MIER3: variants seen among roughly 807,000 people sequenced by gnomAD.
The protein encoded by MIER3 is mesoderm induction early response protein 3.
MIER3 carries 9 observed loss-of-function variants against 63.2 expected under a neutral mutation model. That is an observed-to-expected ratio of 0.14 (90% CI 0.09 to 0.25). The LOEUF is 0.25. Ranked by LOEUF, MIER3 falls within the 10% of genes least tolerant of loss-of-function variation. The probability of loss-of-function intolerance (pLI) is 1.00; values close to 1 mark genes in which losing one functional copy is unlikely to be tolerated. For synonymous variants in MIER3, 205 were observed against 224.9 expected, an observed-to-expected ratio of 0.91 and a Z score of 0.79; for missense variants, 512 against 666.2, an observed-to-expected ratio of 0.77 and a Z score of 2.55.
intron 3 of MIER3, among the ~76,000 whole-genome samples, chr5:56,942,575 C>T (rs1363519930): frequency 1.3e-5 from 2 of 152,100 alleles, no homozygotes; most frequent in African/African-American, 4.8e-5. Flanking sequence ...AAAGTTAAAG[C>T]AGTGGGTTTG....
Position 56,920,204 on chromosome 5 carries a change from T to C in MIER3, c.*2924A>G, listed in dbSNP as rs1403593624. ...AATTTTAGTATTTTTTAAACAGTAT[T>C]CTACATCCTTCAAGTAAATTCAGCA... On this transcript the variant is annotated 3_prime_UTR_variant, in exon 13 of 13. Coordinates refer to ENST00000381199, the MANE Select transcript of MIER3 (RefSeq NM_001297599.2). The C allele has an allele frequency of 2.6e-5, 4 of 152,590 alleles. No homozygotes were observed. Among genetic ancestry groups the C allele is most frequent in the Non-Finnish European group, 1.5e-5 (1 of 67,994 alleles). 9.5% of individuals were successfully genotyped at this position (152,590 alleles called of 1,614,324 possible). A position where few individuals can be genotyped will look rare whatever the true frequency, so the allele number is the denominator to read the frequency against.
intron 3 of MIER3, among the ~76,000 whole-genome samples, chr5:56,944,287 C>A (rs867554152): frequency 2.0e-5 from 3 of 151,424 alleles, no homozygotes; most frequent in South Asian, 2.1e-4. Flanking sequence ...CTGGCTAACA[C>A]GGTGAAACCC....
chr5:56,944,681 G>A (rs1348124572), intron 3 of MIER3, among the ~76,000 whole-genome samples: 2 of 152,090 alleles, frequency 1.3e-5, no homozygotes, highest in Admixed American at 1.3e-4. Flanking sequence ...CATATAATTT[G>A]TTTAAATGTC....
chr5:56,940,925 A>T, intron 3 of MIER3: 1 of 978,500 alleles, frequency 1.0e-6, no homozygotes, highest in Non-Finnish European at 1.2e-6. Context: ...TTTGCCAAGC[A>T]CCTGTCAGTA....
At chr5:56,935,288 G>C in intron 7 of MIER3, 140 bp downstream of exon 7, 1 of 666,978 alleles carries the variant, frequency 1.5e-6, no homozygotes. Context: ...TCCTAAGTCA[G>C]GCCTAAAAAT....
At chr5:56,932,618 G>A (rs16886510) in intron 8 of MIER3, among the ~76,000 whole-genome samples, 12,367 of 152,142 alleles carry the variant, frequency 0.081, 530 homozygotes, top group East Asian at 0.14. Flanking sequence ...CAAAACTTAG[G>A]GGTATTCGAA....
chr5:56,952,046 C>A, intron 1 of MIER3, 48 bp downstream of exon 1: 1 of 1,265,406 alleles, frequency 7.9e-7, no homozygotes, highest in Non-Finnish European at 1.0e-6. Context: ...GGGGAGCCGC[C>A]GGGCGCCCGC....
Position 56,922,813 on chromosome 5 carries a change from G to A in MIER3, c.*315C>T, listed in dbSNP as rs1315523233. On this transcript the variant is annotated 3_prime_UTR_variant, in exon 13 of 13. Coordinates refer to ENST00000381199, the MANE Select transcript of MIER3 (RefSeq NM_001297599.2). Reference sequence around the variant, plus strand: ...TTTTAAAATTGGGAGTGAGGGCAGTGGGGAACACAAAAGAATAGAAAAAGA... The same window carrying A: ...TTTTAAAATTGGGAGTGAGGGCAGTAGGGAACACAAAAGAATAGAAAAAGA... The A allele has an allele frequency of 3.3e-6, 1 of 305,258 alleles. No homozygotes were observed. Among genetic ancestry groups the A allele is most frequent in the African/African-American group, 2.1e-5 (1 of 47,168 alleles). 18.9% of individuals were successfully genotyped at this position (305,258 alleles called of 1,614,324 possible). A position where few individuals can be genotyped will look rare whatever the true frequency, so the allele number is the denominator to read the frequency against.
chr5:56,928,996 C>CACACACACAA lies in MIER3; in HGVS notation c.830-136_830-135insTTGTGTGTGT, dbSNP rs1750148697. On this transcript the variant is annotated intron_variant, in intron 9 of 12. Coordinates refer to ENST00000381199, the MANE Select transcript of MIER3 (RefSeq NM_001297599.2). ...ACACACACACACTCTCTCTCTCACA[C>CACACACACAA]ACACACACACTCTCTCTCTCTCTCT... 18 of 555,392 alleles carry CACACACACAA rather than the reference C, an allele frequency of 3.2e-5. No individual in the cohort carries two copies. The South Asian group carries it at 4.4e-4, about 14-fold the overall frequency. The allele number at this position is 555,392 out of a possible 1,614,324, so 34.4% of individuals were successfully genotyped here. A position where few individuals can be genotyped will look rare whatever the true frequency, so the allele number is the denominator to read the frequency against.
At chr5:56,950,145 G>T (rs764122197) in intron 2 of MIER3, among the ~76,000 whole-genome samples, 1 of 152,128 alleles carries the variant, frequency 6.6e-6, no homozygotes, top group Non-Finnish European at 1.5e-5. Flanking sequence ...TATTAAGGTA[G>T]CTTTACCTCT....
chr5:56,950,613 G>GA lies in MIER3; in HGVS notation c.34+14dup. On this transcript the variant is annotated intron_variant, in intron 2 of 12. Coordinates refer to ENST00000381199, the MANE Select transcript of MIER3 (RefSeq NM_001297599.2). Reference sequence around the variant, plus strand: ...CCACTGGGAACCACCGAAGACGTAAGAAAATAGGACAAACCTGGGCTCGAA... The same window carrying GA: ...CCACTGGGAACCACCGAAGACGTAAGAAAAATAGGACAAACCTGGGCTCGAA... 2 of 1,614,024 alleles carry GA rather than the reference G, an allele frequency of 1.2e-6. No homozygotes were observed. Among genetic ancestry groups the GA allele is most frequent in the Non-Finnish European group, 1.7e-6 (2 of 1,179,948 alleles).
chr5:56,940,886 CT>C (rs1750623190), intron 3 of MIER3: 1 of 794,662 alleles, frequency 1.3e-6, no homozygotes, highest in Admixed American at 6.2e-5. Flanking sequence ...CATATTGGTT[CT>C]AATACAAGAG....
At chr5:56,931,283 G>A (rs1447132996) in intron 8 of MIER3, among the ~76,000 whole-genome samples, 1 of 152,106 alleles carries the variant, frequency 6.6e-6, no homozygotes, top group Non-Finnish European at 1.5e-5. Context: ...TTGGAATTAT[G>A]AACATAATAA....
intron 10 of MIER3, among the ~76,000 whole-genome samples, chr5:56,925,710 A>G (rs79354983): frequency 0.081 from 12,363 of 152,192 alleles, 528 homozygotes; most frequent in East Asian, 0.14. Flanking sequence ...CACAAACCCA[A>G]TCAAAATCCC....
chr5:56,924,168 CTT>C (rs1749838281), intron 10 of MIER3, 126 bp from the exon 11 acceptor site: 2 of 885,542 alleles, frequency 2.3e-6, no homozygotes, highest in South Asian at 4.3e-5. Flanking sequence ...GTTCTGAACA[CTT>C]TTAATAAATT....
Position 56,922,982 on chromosome 5 carries a change from T to C in MIER3, c.*146A>G. On this transcript the variant is annotated 3_prime_UTR_variant, in exon 13 of 13. Transcript: ENST00000381199. ...GATTGAAAAATGAAAATACTCTTGA[T>C]AAATCAAGATATAGTTCTATACATA... The C allele has an allele frequency of 1.5e-6, 1 of 650,794 alleles. No homozygotes were observed. Among genetic ancestry groups the C allele is most frequent in the South Asian group, 2.0e-5 (1 of 49,684 alleles). The allele number at this position is 650,794 out of a possible 1,614,324, so 40.3% of individuals were successfully genotyped here. A position where few individuals can be genotyped will look rare whatever the true frequency, so the allele number is the denominator to read the frequency against.
At chr5:56,951,336 GC>G (rs1376778596) in intron 1 of MIER3, among the ~76,000 whole-genome samples, 1 of 151,266 alleles carries the variant, frequency 6.6e-6, no homozygotes, top group Non-Finnish European at 1.5e-5. Context: ...CTGCCACACC[GC>G]CCCCTCCCCC....
rs1750958922 is a variant in MIER3, at chr5:56,949,918, T to TA, written c.34+709dup. Among the ~76,000 whole-genome samples the TA allele has an allele frequency of 3.3e-5, 5 of 152,280 alleles. No homozygotes were observed. The East Asian group carries it at 5.8e-4, about 18-fold the overall frequency. On this transcript the variant is annotated intron_variant, in intron 2 of 12. Coordinates refer to ENST00000381199, the MANE Select transcript of MIER3 (RefSeq NM_001297599.2). Reference sequence around the variant, plus strand: ...TGATTAGCACATGAGGAAAGGTCCTTATGGACCTGCTACAGGGATTCTACA... The same window carrying TA: ...TGATTAGCACATGAGGAAAGGTCCTTAATGGACCTGCTACAGGGATTCTACA...
chr5:56,937,865 TTA>T (rs1481517934), intron 4 of MIER3, among the ~76,000 whole-genome samples, 167 bp from the exon 5 acceptor site: 1 of 149,746 alleles, frequency 6.7e-6, no homozygotes, highest in Non-Finnish European at 1.5e-5. Context: ...ATATTATATA[TTA>T]TATAATATTC....
Sources: allele counts gnomAD v4.1 joint callset (sites outside exome capture counted in the v4.1 genomes callset), GRCh38; gene constraint gnomAD v4.1.1; transcripts MANE v1.5; gene names NCBI Gene and HGNC (gene_info 2026-07-23, HGNC 2026-07-21).